RFX6: variants seen among roughly 807,000 people sequenced by gnomAD.
The protein encoded by RFX6 is regulatory factor X6.
RFX6 carries 50 observed loss-of-function variants against 110.8 expected under a neutral mutation model. The observed-to-expected ratio is 0.45, with a 90% CI of 0.36 to 0.57. RFX6 has a LOEUF of 0.57. Among genes scored for constraint, RFX6 ranks in the 20% least tolerant of loss-of-function variants. RFX6 has a pLI of 0.00. For synonymous variants in RFX6, 383 were observed against 411.2 expected (o/e 0.93, Z 0.83); for missense variants, 990 against 1,127.0 (o/e 0.88, Z 1.74).
intron 2 of RFX6, among the ~76,000 whole-genome samples, chr6:116,879,950 T>TAGG (rs1289519473): frequency 6.6e-6 from 1 of 151,998 alleles, no homozygotes; most frequent in African/African-American, 2.4e-5. Flanking sequence ...TTTAAGTGTA[T>TAGG]AGGATGTTTT....
intron 7 of RFX6, among the ~76,000 whole-genome samples, chr6:116,912,555 A>G (rs1431040242): frequency 6.6e-6 from 1 of 152,144 alleles, no homozygotes; most frequent in Non-Finnish European, 1.5e-5. Flanking sequence ...AAATGTTAAC[A>G]TGTGGCAGTT....
At chr6:116,914,125 G>A (rs1198773791) in intron 7 of RFX6, among the ~76,000 whole-genome samples, 4 of 151,810 alleles carry the variant, frequency 2.6e-5, no homozygotes, top group Non-Finnish European at 5.9e-5. Flanking sequence ...CAGTCTACTC[G>A]CTACCTTCAT....
chr6:116,909,857 A>G (rs1240175492), intron 6 of RFX6, among the ~76,000 whole-genome samples: 1 of 149,574 alleles, frequency 6.7e-6, no homozygotes, highest in Non-Finnish European at 1.5e-5. Context: ...TAAATCTTAA[A>G]TAAGTCAACA....
At chr6:116,892,089 A>G (rs1463457818) in intron 4 of RFX6, among the ~76,000 whole-genome samples, 1 of 152,182 alleles carries the variant, frequency 6.6e-6, no homozygotes, top group Admixed American at 6.5e-5. Context: ...CTTGACCACC[A>G]TATATTATTG....
intron 3 of RFX6, 84 bp downstream of exon 3, chr6:116,880,751 T>G (rs1326992679): frequency 6.9e-7 from 1 of 1,443,134 alleles, no homozygotes; most frequent in Non-Finnish European, 9.7e-7. Flanking sequence ...TCTGTGCAAG[T>G]TCTCTTAGAG....
Position 116,907,270 on chromosome 6 carries a change from T to C in RFX6, c.673-3665T>C, listed in dbSNP as rs553436852. ...TGGAATTTGGCTTACTAATATTTTG[T>C]GGAGAGTTTTTGCATCAAAGTTCAT... is the stretch of plus-strand genomic sequence containing the variant. On this transcript the variant is annotated intron_variant, in intron 6 of 18. Transcript: ENST00000332958. 9.9e-5 allele frequency among the ~76,000 whole-genome samples: 15 copies of C among 152,244 alleles called. No individual in the cohort carries two copies. The South Asian group carries it at 1.7e-3, about 17-fold the overall frequency.
Position 116,925,591 on chromosome 6 carries a change from A to T in RFX6, c.1817A>T (p.Gln606Leu). The T allele has an allele frequency of 6.2e-7, 1 of 1,613,976 alleles. No individual in the cohort carries two copies. Among genetic ancestry groups the T allele is most frequent in the Non-Finnish European group, 8.5e-7 (1 of 1,179,834 alleles). ...ETTYLPLPSS[Q>L]PGGLGPALHQ... Reference sequence around the variant, plus strand: ...ACCTATCTCCCTCTGCCATCCAGTCAACCTGGAGGCCTAGGCCCTGCTCTG... The same window carrying T: ...ACCTATCTCCCTCTGCCATCCAGTCTACCTGGAGGCCTAGGCCCTGCTCTG... Residue 606 changes from glutamine to leucine, a missense_variant, in exon 16 of 19, where the codon CAA becomes CTA. Physicochemically the swap from Gln to Leu is moderately radical, Grantham distance 113 (BLOSUM62 -2). Transcript: ENST00000332958.
chr6:116,904,295 A>G (rs1775146830), intron 6 of RFX6, among the ~76,000 whole-genome samples: 1 of 151,994 alleles, frequency 6.6e-6, no homozygotes, highest in African/African-American at 2.4e-5. Context: ...TGTGTTGTAA[A>G]TAACTTCTTC....
At chr6:116,894,788 T>C (rs1774906268) in intron 5 of RFX6, among the ~76,000 whole-genome samples, 1 of 152,060 alleles carries the variant, frequency 6.6e-6, no homozygotes, top group Non-Finnish European at 1.5e-5. Context: ...AAAAGTAAAG[T>C]ATCTTGTGGA....
chr6:116,928,722 T>G (rs776739765), intron 17 of RFX6, 37 bp from the exon 18 acceptor site: 1 of 1,480,158 alleles, frequency 6.8e-7, no homozygotes, highest in Non-Finnish European at 9.5e-7. Flanking sequence ...TTCTTTGTAG[T>G]AAGTTAACAG....
Position 116,923,513 on chromosome 6 carries a change from T to C in RFX6, c.1555+289T>C, listed in dbSNP as rs7774506. 97,021 of 405,452 alleles carry C rather than the reference T, an allele frequency of 0.24. 13,309 individuals are homozygous for C. Among genetic ancestry groups the C allele is most frequent in the South Asian group, 0.41 (16,306 of 39,802 alleles). The allele number at this position is 405,452 out of a possible 1,614,324, so 25.1% of individuals were successfully genotyped here. ...AGGTACTTTGGTGAGATGATGTATA[T>C]AAAAACAAATTGCCTAGCACTCAGG... On this transcript the variant is annotated intron_variant, in intron 14 of 18. Coordinates refer to ENST00000332958, the MANE Select transcript of RFX6 (RefSeq NM_173560.4).
chr6:116,892,298 ATTCTGGCTGTCATCC>A (rs1188567341), intron 4 of RFX6, among the ~76,000 whole-genome samples: 4 of 152,226 alleles, frequency 2.6e-5, no homozygotes, highest in African/African-American at 9.6e-5. Flanking sequence ...TGGGGGGCTC[ATTCTGGCTGTCATCC>A]AGCTGCTGTC....
intron 12 of RFX6, among the ~76,000 whole-genome samples, chr6:116,921,717 G>A (rs528162743): frequency 6.6e-6 from 1 of 151,468 alleles, no homozygotes; most frequent in Non-Finnish European, 1.5e-5. Flanking sequence ...CAACTGCTTG[G>A]GAGGCTGAGG....
chr6:116,922,000 T>C lies in RFX6; in HGVS notation c.1328-42T>C, dbSNP rs1775608461. The C allele has an allele frequency of 6.5e-6, 6 of 917,062 alleles. No individual in the cohort carries two copies. In the East Asian group the frequency reaches 1.4e-4, roughly 22 times the overall value. 56.8% of individuals were successfully genotyped at this position (917,062 alleles called of 1,614,324 possible). A position where few individuals can be genotyped will look rare whatever the true frequency, so the allele number is the denominator to read the frequency against. On this transcript the variant is annotated intron_variant, in intron 12 of 18. Coordinates refer to ENST00000332958, the MANE Select transcript of RFX6 (RefSeq NM_173560.4). Reference sequence around the variant, plus strand: ...CTTGGATTCCAAGTAGAGTACAATATTCTGTTTTCTTTTCTTTCTTTTTTT... The same window carrying C: ...CTTGGATTCCAAGTAGAGTACAATACTCTGTTTTCTTTTCTTTCTTTTTTT...
At chr6:116,925,985 T>G (rs1775719239) in intron 16 of RFX6, among the ~76,000 whole-genome samples, 1 of 152,160 alleles carries the variant, frequency 6.6e-6, no homozygotes, top group Non-Finnish European at 1.5e-5. Context: ...GGTTGCTTAT[T>G]TCTGGATTTT....
In RFX6 at chr6:116,927,090, C is replaced by T; in HGVS notation, c.1949C>T (p.Ala650Val). Residue 650 changes from alanine (A) to valine (V), a missense_variant, in exon 17 of 19, where the codon GCA becomes GTA. Ala to Val is a moderately conservative substitution (Grantham distance 64). Around this residue, in one of 5 missense-constraint regions of RFX6, gnomAD observed 438 missense variants for 441.9 expected, o/e 0.99. Transcript: ENST00000332958. ...ACACCACCCATTTCTCCAGCCATGG[C>T]AAGCCGAGGAAGTGTCATTAACCAA... ...LMTPPISPAM[A>V]SRGSVINQGP... 1.9e-6 allele frequency: 3 copies of T among 1,613,982 alleles called. No homozygotes were observed. The highest frequency in any genetic ancestry group is 2.5e-6 in the Non-Finnish European group (3 of 1,179,856).
chr6:116,889,614 A>G (rs1464873376), intron 4 of RFX6, among the ~76,000 whole-genome samples: 3 of 152,132 alleles, frequency 2.0e-5, no homozygotes, highest in Non-Finnish European at 4.4e-5. Context: ...TCAAAAAACC[A>G]AAGGTACCAC....
intron 9 of RFX6, among the ~76,000 whole-genome samples, chr6:116,917,338 G>GTTTTT (rs5879394): frequency 2.7e-4 from 37 of 139,216 alleles, no homozygotes; most frequent in African/African-American, 9.4e-4. Context: ...GGATTGTCTT[G>GTTTTT]TTTTTTTTTT....
chr6:116,931,720 A>G lies in RFX6; in HGVS notation c.*214A>G, dbSNP rs1188254473. ...TAAGAGTTTAAAATGTGAGCTCATT[A>G]TTAATCATAGTTTCAAAATTATCAA... On this transcript the variant is annotated 3_prime_UTR_variant, in exon 19 of 19. Coordinates refer to ENST00000332958, the MANE Select transcript of RFX6 (RefSeq NM_173560.4). The G allele has an allele frequency of 1.3e-5, 6 of 466,354 alleles. No homozygotes were observed. Among genetic ancestry groups the G allele is most frequent in the African/African-American group, 9.8e-5 (5 of 51,074 alleles). The allele number at this position is 466,354 out of a possible 1,614,324, so 28.9% of individuals were successfully genotyped here.
Sources: gnomAD v4.1 joint callset for allele counts (sites outside exome capture counted in the v4.1 genomes callset) on GRCh38, gnomAD v4.1.1 for gene constraint, gnomAD v4.1.1 regional missense constraint, MANE v1.5 for transcripts, NCBI Gene and HGNC (gene_info 2026-07-23, HGNC 2026-07-21) for gene names.